Variants in EYS observed in about 807,000 individuals in gnomAD.
EYS encodes the protein EGF-like photoreceptor maintenance factor.
A neutral mutation model predicts 282.1 loss-of-function variants in EYS; 250 were observed. That is an observed-to-expected ratio of 0.89 (90% CI 0.80 to 0.98). The LOEUF (loss-of-function observed/expected upper bound fraction) is 0.98. Ranked by LOEUF, EYS falls within the 50% of genes least tolerant of loss-of-function variation. EYS has a pLI of 0.00. For synonymous variants in EYS, 1,355 were observed against 1,282.9 expected (o/e 1.06, Z -1.20); for missense variants, 4,016 against 3,709.0 (o/e 1.08, Z -2.15).
At chr6:64,054,473 G>T (rs1770916312) in intron 33 of EYS, among the ~76,000 whole-genome samples, 1 of 152,080 alleles carries the variant, frequency 6.6e-6, no homozygotes, top group African/African-American at 2.4e-5. Context: ...GGGTATTAGA[G>T]GAGGATAAAG....
intron 26 of EYS, among the ~76,000 whole-genome samples, chr6:64,582,654 A>G (rs976197325): frequency 1.1e-4 from 17 of 152,086 alleles, no homozygotes; most frequent in African/African-American, 4.1e-4. Context: ...AGCAATGAAA[A>G]TGAAAGTATT....
chr6:63,995,953 C>T lies in EYS; in HGVS notation c.6834+3122G>A, dbSNP rs543191282. Among the ~76,000 whole-genome samples the T allele has an allele frequency of 9.6e-4, 146 of 151,972 alleles. 1 individual carries two copies. Among genetic ancestry groups the T allele is most frequent in the African/African-American group, 3.3e-3 (138 of 41,506 alleles). ...AACTAAATGAGAGGATTTTCAATTT[C>T]TTACCACAAAGAAATGATAAATATT... On this transcript the variant is annotated intron_variant, in intron 34 of 42. Transcript: ENST00000503581.
At chr6:64,651,778 C>T (rs1267069120) in intron 22 of EYS, among the ~76,000 whole-genome samples, 1 of 152,068 alleles carries the variant, frequency 6.6e-6, no homozygotes, top group East Asian at 1.9e-4. Flanking sequence ...AAAATTAGAA[C>T]AAAATGAATA....
intron 22 of EYS, among the ~76,000 whole-genome samples, chr6:64,759,556 A>G (rs917077577): frequency 6.6e-6 from 1 of 152,202 alleles, no homozygotes; most frequent in Non-Finnish European, 1.5e-5. Flanking sequence ...CTCTTAGTTC[A>G]ACATGTAATC....
chr6:64,417,205 A>C (rs532816340), intron 28 of EYS, among the ~76,000 whole-genome samples: 65 of 152,312 alleles, frequency 4.3e-4, no homozygotes, highest in African/African-American at 1.5e-3. Context: ...AATTACAAAC[A>C]TTTATTGAGC....
intron 26 of EYS, among the ~76,000 whole-genome samples, chr6:64,530,595 C>G (rs180690695): frequency 6.6e-6 from 1 of 152,044 alleles, no homozygotes; most frequent in African/African-American, 2.4e-5. Context: ...CTTTATTTTT[C>G]TAAGTTAAAA....
chr6:64,620,021 C>T (rs1181528994), intron 23 of EYS, among the ~76,000 whole-genome samples: 3 of 151,930 alleles, frequency 2.0e-5, no homozygotes, highest in African/African-American at 4.8e-5. Context: ...TCAAAGACAA[C>T]AAACAAGGAT....
At chr6:65,590,489 C>T (rs1765193172) in intron 2 of EYS, among the ~76,000 whole-genome samples, 1 of 151,800 alleles carries the variant, frequency 6.6e-6, no homozygotes, top group Non-Finnish European at 1.5e-5. Flanking sequence ...GAGAACATTC[C>T]AAATTCTCTT....
rs542238443 is a variant in EYS at position 64,825,471 on chromosome 6, C to T, written c.2993-2649G>A. Among the ~76,000 whole-genome samples the T allele has an allele frequency of 9.1e-4, 138 of 151,800 alleles. 2 individuals are homozygous for T. In the South Asian group the frequency reaches 0.027, roughly 30 times the overall value. On this transcript the variant is annotated intron_variant, in intron 19 of 42. Transcript: ENST00000503581. ...TTAAAAAATAAATCCTTGTCATATA[C>T]GTGTGTGTGGGTTTATGTGTGCATG...
chr6:64,820,074 TGCTCATACTCTCATCAGGTAA>T (rs1479051455), intron 21 of EYS, among the ~76,000 whole-genome samples: 1 of 152,068 alleles, frequency 6.6e-6, no homozygotes, highest in Non-Finnish European at 1.5e-5. Context: ...GTAAGCGGTG[TGCTCATACTCTCATCAGGTAA>T]GTGTGGTCTT....
intron 22 of EYS, among the ~76,000 whole-genome samples, chr6:64,628,214 C>A (rs1231917081): frequency 1.3e-5 from 2 of 150,490 alleles, no homozygotes; most frequent in African/African-American, 4.9e-5. Flanking sequence ...TCAACCTCCC[C>A]ATCTTTGTAG....
chr6:64,366,300 A>G lies in EYS; in HGVS notation c.6078+22390T>C, dbSNP rs574038896. Among the ~76,000 whole-genome samples the G allele has an allele frequency of 2.5e-3, 384 of 152,158 alleles. 1 individual carries two copies. The highest frequency in any genetic ancestry group is 5.1e-3 in the Admixed American group (78 of 15,266). On this transcript the variant is annotated intron_variant, in intron 29 of 42. Transcript: ENST00000503581. ...CAGTGTCTGCTTTTGTGCTCCAAAA[A>G]GGGAGCTACCATGTAAGAAGTCCAA...
rs555247299 is a variant in EYS at position 65,558,483 on chromosome 6, T to C, written c.-332-62490A>G. ...TCCCAGGATCCCAAGAGCACAAGGA[T>C]ATCTGGGTCAGGAGCCACAGCTGGG... On this transcript the variant is annotated intron_variant, in intron 2 of 42. Coordinates refer to ENST00000503581, the MANE Select transcript of EYS (RefSeq NM_001142800.2). 7.2e-5 allele frequency among the ~76,000 whole-genome samples: 11 copies of C among 152,266 alleles called. No individual in the cohort carries two copies. The South Asian group carries it at 1.0e-3, about 14-fold the overall frequency.
intron 29 of EYS, among the ~76,000 whole-genome samples, chr6:64,381,057 T>C (rs1772732317): frequency 6.6e-6 from 1 of 151,578 alleles, no homozygotes; most frequent in African/African-American, 2.4e-5. Flanking sequence ...AGATATTACA[T>C]GTATAATACC....
intron 5 of EYS, among the ~76,000 whole-genome samples, chr6:65,455,951 C>G (rs2134487): frequency 2.4e-5 from 3 of 126,750 alleles, no homozygotes; most frequent in Admixed American, 8.4e-5. Context: ...GCAGGAAAGA[C>G]GGAAGGAAGG....
intron 31 of EYS, among the ~76,000 whole-genome samples, chr6:64,202,731 A>C (rs1019745461): frequency 6.6e-6 from 1 of 152,178 alleles, no homozygotes; most frequent in African/African-American, 2.4e-5. Context: ...AGTAGGCCCT[A>C]AGTCCAATAA....
At chr6:64,705,321 G>A (rs1033500398) in intron 22 of EYS, among the ~76,000 whole-genome samples, 2 of 151,948 alleles carry the variant, frequency 1.3e-5, no homozygotes, top group Non-Finnish European at 2.9e-5. Context: ...TACTGCTGAA[G>A]GAAATCATAG....
chr6:63,839,907 C>G (rs1360132154), intron 36 of EYS, among the ~76,000 whole-genome samples: 1 of 152,090 alleles, frequency 6.6e-6, no homozygotes, highest in African/African-American at 2.4e-5. Context: ...ACCATTTTAA[C>G]TGGGGTAAGA....
At chr6:64,712,648 C>A (rs531853181) in intron 22 of EYS, among the ~76,000 whole-genome samples, 3 of 152,212 alleles carry the variant, frequency 2.0e-5, no homozygotes, top group Non-Finnish European at 4.4e-5. Context: ...ACCAACTATG[C>A]AAATGTTCTT....
Sources: gnomAD v4.1 joint callset for allele counts (sites outside exome capture counted in the v4.1 genomes callset) on GRCh38, gnomAD v4.1.1 for gene constraint, MANE v1.5 for transcripts, NCBI Gene and HGNC (gene_info 2026-07-23, HGNC 2026-07-21) for gene names.